LPP: variants seen among roughly 807,000 people sequenced by gnomAD.
The protein encoded by LPP is LIM domain containing preferred translocation partner in lipoma.
A neutral mutation model predicts 60.4 loss-of-function variants in LPP; 38 were observed. That is an observed-to-expected ratio of 0.63 (90% CI 0.49 to 0.83). The LOEUF is 0.83. Among genes scored for constraint, LPP ranks in the 40% least tolerant of loss-of-function variants. The pLI, the probability that LPP is intolerant of heterozygous loss-of-function variation, is 0.00. For missense variants in LPP, 902 were observed against 783.6 expected (o/e 1.15, Z -1.80); for synonymous variants, 328 against 290.8 (o/e 1.13, Z -1.30).
rs1380114734 is a variant in LPP, at chr3:188,250,851, TTC to T, written c.-67+25330_-67+25331del. ...TTCTTTCTTTCTTTTCTTTTTCTCT[TTC>T]TCTCTTTCTTTTCTTTTTCTTTCAC... is the stretch of plus-strand genomic sequence containing the variant. On this transcript the variant is annotated intron_variant, in intron 2 of 11. Coordinates refer to ENST00000617246, the MANE Select transcript of LPP (RefSeq NM_001375462.1). Among the ~76,000 whole-genome samples the T allele has an allele frequency of 5.6e-4, 84 of 149,710 alleles. 1 individual carries two copies. The highest frequency in any genetic ancestry group is 1.9e-3 in the African/African-American group (75 of 40,488).
At chr3:188,315,906 A>T (rs1300598976) in intron 2 of LPP, among the ~76,000 whole-genome samples, 2 of 152,224 alleles carry the variant, frequency 1.3e-5, no homozygotes, top group Non-Finnish European at 2.9e-5. Context: ...TTAGGTCATG[A>T]TATTAATAGA....
chr3:188,424,499 A>G (rs138433903), intron 4 of LPP, among the ~76,000 whole-genome samples: 4 of 152,168 alleles, frequency 2.6e-5, no homozygotes, highest in South Asian at 2.1e-4. Flanking sequence ...AAGAATGTCA[A>G]TGCTAGCTTG....
rs754788825 is a variant in LPP, at chr3:188,296,287, G to A, written c.-66-45376G>A. Among the ~76,000 whole-genome samples, 21 of 152,288 alleles carry A rather than the reference G, an allele frequency of 1.4e-4. No homozygotes were observed. The East Asian group carries it at 2.7e-3, about 20-fold the overall frequency. On this transcript the variant is annotated intron_variant, in intron 2 of 11. Coordinates refer to ENST00000617246, the MANE Select transcript of LPP (RefSeq NM_001375462.1). ...AAAAATGTCTGTGTAACTCCAGAGT[G>A]ATAAAGACAAAAATGCTTGAAAAAG...
chr3:188,356,536 A>G (rs1361463350), intron 3 of LPP, among the ~76,000 whole-genome samples: 1 of 152,178 alleles, frequency 6.6e-6, no homozygotes, highest in Admixed American at 6.5e-5. Flanking sequence ...AGTTTTATAA[A>G]CTGTTTCACT....
At position 188,406,261 on chromosome 3, in the gene LPP, G is replaced by T; in HGVS notation, c.141G>T (p.Pro47=). ...AACAGCCACCCAAAAAGTTTGCCCC[G>T]GTAGTTGCTCCAAAACCTAAGTACA... ...STQQPPKKFA[P]VVAPKPKYNP... is the part of the protein sequence containing the mutation. Residue 47 remains proline (P), a synonymous_variant, in exon 4 of 12, where the codon CCG becomes CCT. Transcript: ENST00000617246. 6.2e-7 allele frequency: 1 copy of T among 1,614,090 alleles called. No homozygotes were observed. The highest frequency in any genetic ancestry group is 8.5e-7 in the Non-Finnish European group (1 of 1,179,996).
At chr3:188,536,023 T>C (rs1823499914) in intron 6 of LPP, among the ~76,000 whole-genome samples, 1 of 80,346 alleles carries the variant, frequency 1.2e-5, no homozygotes, top group Non-Finnish European at 2.8e-5. Flanking sequence ...TTTTTTTTTT[T>C]TTGATATGGA....
In LPP at chr3:188,581,589, C is replaced by T. The variant is rs1836137170; in HGVS notation, c.430-27572C>T. ...ACAGGACAAGTGGCTCAACTCTCTC[C>T]TGCCACTACCCAGGCTGTTAGTCCT... On this transcript the variant is annotated intron_variant, in intron 6 of 11. Coordinates refer to ENST00000617246, the MANE Select transcript of LPP (RefSeq NM_001375462.1). 2.6e-5 allele frequency among the ~76,000 whole-genome samples: 4 copies of T among 152,106 alleles called. No homozygotes were observed. The South Asian group carries it at 8.3e-4, about 32-fold the overall frequency.
At chr3:188,534,785 C>T (rs1823124546) in intron 6 of LPP, among the ~76,000 whole-genome samples, 1 of 152,144 alleles carries the variant, frequency 6.6e-6, no homozygotes, top group Non-Finnish European at 1.5e-5. Flanking sequence ...AGGATGATCT[C>T]TAGACAGAAG....
chr3:188,816,087 T>A (rs1752395089), intron 9 of LPP, among the ~76,000 whole-genome samples: 1 of 152,186 alleles, frequency 6.6e-6, no homozygotes, highest in Non-Finnish European at 1.5e-5. Context: ...ATTATTGATA[T>A]GAAATCAGAA....
intron 8 of LPP, among the ~76,000 whole-genome samples, chr3:188,739,039 C>G (rs149154866): frequency 1.3e-5 from 2 of 152,152 alleles, no homozygotes; most frequent in East Asian, 3.9e-4. Context: ...AAAAATGCCT[C>G]AAGATCTTGT....
rs554219678 is a variant in LPP at position 188,495,340 on chromosome 3, A to G, written c.306+10636A>G. Among the ~76,000 whole-genome samples, 48 of 150,952 alleles carry G rather than the reference A, an allele frequency of 3.2e-4. 1 individual carries two copies. In the South Asian group the frequency reaches 9.6e-3, roughly 30 times the overall value. On this transcript the variant is annotated intron_variant, in intron 5 of 11. Coordinates refer to ENST00000617246, the MANE Select transcript of LPP (RefSeq NM_001375462.1). The stretch of plus-strand genomic sequence containing the variant: ...GGTAATAAAATATCACTTCTTTGTA[A>G]TTTCATGGTGATTTATAATTTGCAA...
At chr3:188,588,836 A>T (rs755980944) in intron 6 of LPP, among the ~76,000 whole-genome samples, 11 of 152,058 alleles carry the variant, frequency 7.2e-5, no homozygotes, top group Non-Finnish European at 5.9e-5. Flanking sequence ...ACAGCCATCC[A>T]TGTGTTGTGA....
intron 1 of LPP, among the ~76,000 whole-genome samples, chr3:188,187,426 GTTTAT>G (rs1031712343): frequency 3.4e-4 from 52 of 151,738 alleles, no homozygotes; most frequent in Middle Eastern, 3.4e-3. Context: ...TCTACATTTT[GTTTAT>G]TTTATTTCTA....
intron 2 of LPP, among the ~76,000 whole-genome samples, chr3:188,311,187 GCT>G (rs10662292): frequency 1.0e-3 from 153 of 147,484 alleles, no homozygotes; most frequent in Non-Finnish European, 1.2e-3. Context: ...TATTTTATAT[GCT>G]CTCTCTCTCT....
intron 2 of LPP, among the ~76,000 whole-genome samples, chr3:188,339,912 C>T (rs1419234340): frequency 1.3e-5 from 2 of 152,198 alleles, no homozygotes; most frequent in Non-Finnish European, 2.9e-5. Context: ...TCAAACACTC[C>T]TTTTGCCTTA....
intron 3 of LPP, among the ~76,000 whole-genome samples, chr3:188,374,425 T>C (rs957667604): frequency 5.9e-5 from 9 of 152,156 alleles, no homozygotes; most frequent in African/African-American, 2.4e-5. Context: ...GTCCTTCACA[T>C]CCCTTGTAAG....
chr3:188,653,761 C>A lies in LPP; in HGVS notation c.1113+43917C>A, dbSNP rs563395526. The stretch of plus-strand genomic sequence containing the variant: ...TTCCTTCTTGGTTTTTGTTTCTTTG[C>A]ATTTTGATCTTTTTATCTCTTTGTT... On this transcript the variant is annotated intron_variant, in intron 7 of 11. Transcript: ENST00000617246. Among the ~76,000 whole-genome samples the A allele has an allele frequency of 3.3e-5, 5 of 152,192 alleles. No homozygotes were observed. The South Asian group carries it at 1.0e-3, about 32-fold the overall frequency.
intron 2 of LPP, among the ~76,000 whole-genome samples, chr3:188,316,494 ATGCTAGCAG>A (rs1424448284): frequency 6.6e-6 from 1 of 152,218 alleles, no homozygotes; most frequent in African/African-American, 2.4e-5. Flanking sequence ...TAGAATTAGA[ATGCTAGCAG>A]TGTTGCAATA....
intron 7 of LPP, among the ~76,000 whole-genome samples, chr3:188,625,569 C>G (rs971629386): frequency 4.6e-5 from 7 of 152,192 alleles, no homozygotes; most frequent in African/African-American, 1.7e-4. Flanking sequence ...ATTTTTCATA[C>G]TATATAGATC....
Sources: allele counts gnomAD v4.1 joint callset (sites outside exome capture counted in the v4.1 genomes callset), GRCh38; gene constraint gnomAD v4.1.1; transcripts MANE v1.5; gene names NCBI Gene and HGNC (gene_info 2026-07-23, HGNC 2026-07-21).